Variants in VWA3A observed in about 807,000 individuals in gnomAD.
VWA3A encodes von Willebrand factor A domain-containing protein 3A.
Under a neutral mutation model 160.4 loss-of-function variants are expected in VWA3A, and 134 were observed. The observed-to-expected ratio is 0.84, with a 90% CI of 0.73 to 0.96. The LOEUF is 0.96. Among genes scored for constraint, VWA3A ranks in the 40% least tolerant of loss-of-function variants. The pLI, the probability that VWA3A is intolerant of heterozygous loss-of-function variation, is 0.00. For missense variants in VWA3A, 1,310 were observed against 1,447.9 expected, an observed-to-expected ratio of 0.90 and a Z score of 1.55; for synonymous variants, 476 against 543.4, an observed-to-expected ratio of 0.88 and a Z score of 1.72.
chr16:22,098,632 T>C (rs570995297), intron 3 of VWA3A, among the ~76,000 whole-genome samples: 1 of 152,274 alleles, frequency 6.6e-6, no homozygotes, highest in African/African-American at 2.4e-5. Flanking sequence ...GCAAATGAAC[T>C]AGTAGAGTTA....
At position 22,133,059 on chromosome 16, in the gene VWA3A, G is replaced by A. The variant is rs1248485286; in HGVS notation, c.2032G>A (p.Ala678Thr). ...CGCCGCCTACAAGGAGGTCACCCGG[G>A]CTGCAGGTGGCCGCTTCCACTGGTT... ...TAAAYKEVTR[A>T]AGGRFHWFGD... Residue 678 changes from alanine (A) to threonine (T), a missense_variant, in exon 20 of 34, where the codon GCT becomes ACT. By Grantham distance (58) the Ala-to-Thr change is moderately conservative. Transcript: ENST00000389398. The A allele has an allele frequency of 1.9e-6, 3 of 1,613,612 alleles. No individual in the cohort carries two copies. In the South Asian group the frequency reaches 3.3e-5, roughly 18 times the overall value.
intron 3 of VWA3A, 28 bp from the exon 4 acceptor site, chr16:22,100,166 C>T (rs536650961): frequency 7.9e-6 from 12 of 1,521,122 alleles, no homozygotes; most frequent in South Asian, 5.1e-5. Flanking sequence ...TTCCACTTCA[C>T]GGTTTGACTC....
chr16:22,152,936 T>C (rs2046375780), intron 31 of VWA3A, among the ~76,000 whole-genome samples: 1 of 152,220 alleles, frequency 6.6e-6, no homozygotes, highest in African/African-American at 2.4e-5. Flanking sequence ...GGGTGTTATA[T>C]TTCCTGATGG....
intron 3 of VWA3A, among the ~76,000 whole-genome samples, chr16:22,098,334 A>G (rs2045356337): frequency 6.6e-6 from 1 of 152,226 alleles, no homozygotes; most frequent in Non-Finnish European, 1.5e-5. Flanking sequence ...TCAGAAAAAT[A>G]CTCATGATTT....
chr16:22,110,609 G>A (rs2045539212), intron 7 of VWA3A, among the ~76,000 whole-genome samples: 1 of 152,210 alleles, frequency 6.6e-6, no homozygotes, highest in Admixed American at 6.5e-5. Flanking sequence ...GCCTTAGAGA[G>A]AAACCTCTGT....
chr16:22,148,133 C>A, intron 27 of VWA3A, 29 bp from the exon 28 acceptor site: 1 of 1,573,124 alleles, frequency 6.4e-7, no homozygotes, highest in Non-Finnish European at 8.6e-7. Flanking sequence ...CACTCCCTCC[C>A]TGCCTCTTCC....
chr16:22,118,788 G>A (rs2045686597), intron 11 of VWA3A, 114 bp from the exon 12 acceptor site: 4 of 1,413,728 alleles, frequency 2.8e-6, no homozygotes, highest in Admixed American at 1.9e-5. Flanking sequence ...AAGGCCTGGT[G>A]GAGAGAGTCT....
In VWA3A at chr16:22,155,841, T is replaced by A; in HGVS notation, c.3504-10T>A. 1 of 1,613,950 alleles carries A rather than the reference T, an allele frequency of 6.2e-7. No homozygotes were observed. Among genetic ancestry groups the A allele is most frequent in the Non-Finnish European group, 8.5e-7 (1 of 1,179,886 alleles). ...AGGGAGACCATCTTTCTTCATCTCCTGCCCACCAGATCCCAACTCCAGAAG... is the reference window on the plus strand; with the variant it reads ...AGGGAGACCATCTTTCTTCATCTCCAGCCCACCAGATCCCAACTCCAGAAG... On this transcript the variant is annotated splice_polypyrimidine_tract_variant and intron_variant, in intron 32 of 33. Coordinates refer to ENST00000389398, the MANE Select transcript of VWA3A (RefSeq NM_173615.5).
chr16:22,124,042 G>A (rs1482826752), intron 16 of VWA3A, among the ~76,000 whole-genome samples: 1 of 151,960 alleles, frequency 6.6e-6, no homozygotes, highest in Non-Finnish European at 1.5e-5. Flanking sequence ...GGGCATGGTG[G>A]TGTACACCTG....
In VWA3A at chr16:22,149,876, A is replaced by G. The variant is rs1272743176; in HGVS notation, c.3074A>G (p.Gln1025Arg). ...GATGCAGCGTGTCATGAGGCTATGC[A>G]ATGGGTGACCCACCTGCAAGCTCAG... ...TTDAACHEAM[Q>R]WVTHLQAQGS... The change falls in exon 29 of 34, where the codon CAA becomes CGA. Residue 1025 changes from glutamine to arginine, a missense_variant. Coordinates refer to ENST00000389398, the MANE Select transcript of VWA3A (RefSeq NM_173615.5). 1.9e-6 allele frequency: 3 copies of G among 1,612,478 alleles called. No individual in the cohort carries two copies. Among genetic ancestry groups the G allele is most frequent in the African/African-American group, 1.3e-5 (1 of 74,898 alleles).
intron 27 of VWA3A, chr16:22,147,615 A>G: frequency 1.4e-6 from 1 of 703,300 alleles, no homozygotes; most frequent in Non-Finnish European, 2.6e-6. Flanking sequence ...GTCCATGGAC[A>G]GGGGCGTCAT....
At chr16:22,130,393 G>A (rs1226419188) in intron 17 of VWA3A, among the ~76,000 whole-genome samples, 2 of 152,116 alleles carry the variant, frequency 1.3e-5, no homozygotes, top group Non-Finnish European at 2.9e-5. Flanking sequence ...GAGGGAAGTG[G>A]AGAGAAGTTG....
chr16:22,155,576 T>A lies in VWA3A; in HGVS notation c.3415T>A (p.Leu1139Met), dbSNP rs376131729. ...KGFINEKDPT[L>M]PPFEGDDLRI... is the part of the protein sequence containing the mutation. ...ATTTCCTCTTTTCAAGGATCCCACA[T>A]TGCCACCATTTGAAGGAGATGATTT... Residue 1139 changes from leucine (L) to methionine (M), a missense_variant, in exon 32 of 34, where the codon TTG (leucine) becomes ATG (methionine). Leu to Met is a conservative substitution (Grantham distance 15, BLOSUM62 2). Coordinates refer to ENST00000389398, the MANE Select transcript of VWA3A (RefSeq NM_173615.5). 38 of 1,613,910 alleles carry A rather than the reference T, an allele frequency of 2.4e-5. 1 individual carries two copies. In the African/African-American group the frequency reaches 3.6e-4, roughly 15 times the overall value.
chr16:22,149,534 T>C (rs887490714), intron 28 of VWA3A, among the ~76,000 whole-genome samples: 1 of 152,164 alleles, frequency 6.6e-6, no homozygotes, highest in African/African-American at 2.4e-5. Context: ...CACAGGCCAC[T>C]GTGTCTGGCT....
chr16:22,126,379 C>T, intron 17 of VWA3A, 82 bp downstream of exon 17: 1 of 1,538,772 alleles, frequency 6.5e-7, no homozygotes, highest in South Asian at 1.2e-5. Context: ...TTGGACGTTG[C>T]TGGACGATAG....
rs760301517 is a variant in VWA3A, at chr16:22,109,527, G to T, written c.529G>T (p.Val177Leu). The T allele has an allele frequency of 6.2e-7, 1 of 1,613,202 alleles. No individual in the cohort carries two copies. The highest frequency in any genetic ancestry group is 1.1e-5 in the South Asian group (1 of 90,788). ...KGARVSILID[V>L]SAISSGPQKE... The stretch of plus-strand genomic sequence containing the variant: ...GGCCAGAGTCAGCATCCTCATAGAT[G>T]TGTCAGCCATCAGCAGTGGCCCTCA... Residue 177 changes from valine to leucine, a missense_variant, in exon 7 of 34, where the codon GTG becomes TTG. Coordinates refer to ENST00000389398, the MANE Select transcript of VWA3A (RefSeq NM_173615.5).
intron 14 of VWA3A, among the ~76,000 whole-genome samples, chr16:22,122,288 G>A (rs1475527647): frequency 6.6e-6 from 1 of 151,554 alleles, no homozygotes; most frequent in South Asian, 2.1e-4. Context: ...TGGGTGGATG[G>A]ATGGATGGAT....
intron 13 of VWA3A, 73 bp downstream of exon 13, chr16:22,121,176 T>A: frequency 6.2e-7 from 1 of 1,601,608 alleles, no homozygotes; most frequent in Non-Finnish European, 8.5e-7. Flanking sequence ...CCGGGCACAG[T>A]GGCTCACACC....
In VWA3A at chr16:22,100,225, A is replaced by T; in HGVS notation, c.257A>T (p.Asp86Val). 6.4e-7 allele frequency: 1 copy of T among 1,550,406 alleles called. No individual in the cohort carries two copies. The highest frequency in any genetic ancestry group is 2.0e-5 in the Admixed American group (1 of 50,954). ...CAGGGGAGTGAGACCCAGTCTTCAG[A>T]TTGGGAGGACTCTGAAGACTGGCTT... ...RLQGSETQSS[D>V]WEDSEDWLSA... The change falls in exon 4 of 34, where the codon GAT (aspartate) becomes GTT (valine). Residue 86 changes from aspartate (D) to valine (V), a missense_variant. Asp to Val is a radical substitution (Grantham distance 152). Transcript: ENST00000389398.
Sources: gnomAD v4.1 joint callset for allele counts (sites outside exome capture counted in the v4.1 genomes callset) on GRCh38, gnomAD v4.1.1 for gene constraint, MANE v1.5 for transcripts, NCBI Gene and HGNC (gene_info 2026-07-23, HGNC 2026-07-21) for gene names.